The following CTNND2 variants were observed in gnomAD, a reference collection of about 807,000 sequenced individuals.
CTNND2 encodes catenin delta 2.
CTNND2 carries 22 observed loss-of-function variants against 144.4 expected under a neutral mutation model. The ratio of observed to expected loss-of-function variants is 0.15; its 90% CI spans 0.11 to 0.22. The LOEUF (loss-of-function observed/expected upper bound fraction) is 0.22. Ranked by LOEUF, CTNND2 falls within the 10% of genes least tolerant of loss-of-function variation. The pLI is 1.00. For synonymous variants in CTNND2, 751 were observed against 695.6 expected (o/e 1.08, Z -1.25); for missense variants, 1,353 against 1,618.8 (o/e 0.84, Z 2.82).
intron 2 of CTNND2, among the ~76,000 whole-genome samples, chr5:11,641,022 G>T (rs961839328): frequency 1.3e-5 from 2 of 152,072 alleles, no homozygotes; most frequent in Non-Finnish European, 2.9e-5. Context: ...AACCCAACAT[G>T]TCAGTGTTTA....
At chr5:11,434,340 G>A (rs972377441) in intron 3 of CTNND2, among the ~76,000 whole-genome samples, 1 of 152,146 alleles carries the variant, frequency 6.6e-6, no homozygotes, top group African/African-American at 2.4e-5. Context: ...AGAATAAGGT[G>A]GGGATTTACT....
chr5:11,903,796 C>A lies in CTNND2; in HGVS notation c.37+21G>T. 2 of 1,473,676 alleles carry A rather than the reference C, an allele frequency of 1.4e-6. No homozygotes were observed. Among genetic ancestry groups the A allele is most frequent in the Admixed American group, 2.4e-5 (1 of 42,134 alleles). 91.3% of individuals were successfully genotyped at this position (1,473,676 alleles called of 1,614,324 possible). On this transcript the variant is annotated intron_variant, in intron 1 of 21. Coordinates refer to ENST00000304623, the MANE Select transcript of CTNND2 (RefSeq NM_001332.4). The surrounding 1 kb of genome is among the most constrained non-coding windows in gnomAD (Gnocchi z 5.4). Reference sequence around the variant, plus strand: ...GGGAGGAGGCTGCGCCCGGCCCCGGCCGCCCAGCCCCGCAACTCACCCAAA... The same window carrying A: ...GGGAGGAGGCTGCGCCCGGCCCCGGACGCCCAGCCCCGCAACTCACCCAAA...
chr5:10,994,554 G>A (rs1374105155), intron 18 of CTNND2, among the ~76,000 whole-genome samples: 2 of 151,998 alleles, frequency 1.3e-5, no homozygotes, highest in Non-Finnish European at 2.9e-5. Flanking sequence ...TGGGGTCAGG[G>A]AGGTGCTGTC....
chr5:11,180,693 C>A (rs951202558), intron 11 of CTNND2, among the ~76,000 whole-genome samples: 1 of 152,198 alleles, frequency 6.6e-6, no homozygotes, highest in African/African-American at 2.4e-5. Context: ...GATCTCTTTT[C>A]CATATTTGCC....
chr5:11,103,305 T>C (rs1190416952), intron 14 of CTNND2, among the ~76,000 whole-genome samples: 1 of 151,950 alleles, frequency 6.6e-6, no homozygotes, highest in Non-Finnish European at 1.5e-5. Context: ...TCTATCTCAG[T>C]TGGGTTTGAG....
chr5:11,823,072 C>T (rs1793401751), intron 1 of CTNND2, among the ~76,000 whole-genome samples: 1 of 152,122 alleles, frequency 6.6e-6, no homozygotes, highest in Admixed American at 6.5e-5. Flanking sequence ...ACATTTAACT[C>T]CAAATTCCTT....
chr5:11,280,126 T>C (rs955498179), intron 9 of CTNND2, among the ~76,000 whole-genome samples: 1 of 152,172 alleles, frequency 6.6e-6, no homozygotes, highest in Non-Finnish European at 1.5e-5. Context: ...TTAAATTGTG[T>C]AATTTGTTTT....
rs114530964 is a variant in CTNND2 at position 11,713,678 on chromosome 5, C to A, written c.174+18458G>T. Reference sequence around the variant, plus strand: ...TTTCATCATGAGGATAAGACTTCTGCAACAACCTGGATATCATTAGAATAT... The same window carrying A: ...TTTCATCATGAGGATAAGACTTCTGAAACAACCTGGATATCATTAGAATAT... On this transcript the variant is annotated intron_variant, in intron 2 of 21. Transcript: ENST00000304623. 5.8e-3 allele frequency among the ~76,000 whole-genome samples: 873 copies of A among 151,214 alleles called. 10 individuals carry two copies. Among genetic ancestry groups the A allele is most frequent in the African/African-American group, 0.02 (833 of 41,162 alleles).
intron 18 of CTNND2, among the ~76,000 whole-genome samples, chr5:11,014,864 T>G (rs1694179930): frequency 6.6e-6 from 1 of 152,182 alleles, no homozygotes; most frequent in African/African-American, 2.4e-5. Context: ...CTTTCCCTTT[T>G]ATCCATAATG....
intron 1 of CTNND2, among the ~76,000 whole-genome samples, chr5:11,832,189 C>A (rs971172635): frequency 6.6e-6 from 1 of 151,940 alleles, no homozygotes; most frequent in East Asian, 1.9e-4. Context: ...GAGGCTGAGG[C>A]AGAAGAATGG....
chr5:11,646,449 G>A (rs965827016), intron 2 of CTNND2, among the ~76,000 whole-genome samples: 9 of 152,088 alleles, frequency 5.9e-5, no homozygotes, highest in Admixed American at 4.6e-4. Flanking sequence ...TAATAGACAC[G>A]GAAACACACA....
chr5:11,229,675 T>TAG (rs1411610868), intron 10 of CTNND2, among the ~76,000 whole-genome samples: 1 of 149,816 alleles, frequency 6.7e-6, no homozygotes, highest in Non-Finnish European at 1.5e-5. Context: ...TGTGTGTGTA[T>TAG]ATATATAACT....
intron 1 of CTNND2, among the ~76,000 whole-genome samples, chr5:11,785,239 T>C (rs1790764706): frequency 1.3e-5 from 2 of 152,190 alleles, no homozygotes; most frequent in African/African-American, 4.8e-5. Flanking sequence ...CACATTTACC[T>C]AGAAGATGAG....
At chr5:11,837,795 G>A (rs1794258420) in intron 1 of CTNND2, among the ~76,000 whole-genome samples, 1 of 152,084 alleles carries the variant, frequency 6.6e-6, no homozygotes, top group Non-Finnish European at 1.5e-5. Flanking sequence ...TACTATAGAG[G>A]GAGATGATAA....
chr5:11,322,384 A>G (rs1752123811), intron 9 of CTNND2, among the ~76,000 whole-genome samples: 1 of 152,228 alleles, frequency 6.6e-6, no homozygotes, highest in African/African-American at 2.4e-5. Flanking sequence ...TGCTTGCCAC[A>G]GAGAATCTCT....
chr5:11,196,819 C>A (rs183158256), intron 11 of CTNND2, among the ~76,000 whole-genome samples: 3 of 152,178 alleles, frequency 2.0e-5, no homozygotes, highest in Non-Finnish European at 4.4e-5. Flanking sequence ...TAGACATCTC[C>A]GTGGCTGCAC....
At chr5:11,744,468 G>C (rs184270858) in intron 1 of CTNND2, among the ~76,000 whole-genome samples, 115 of 152,308 alleles carry the variant, frequency 7.6e-4, no homozygotes, top group Admixed American at 4.2e-3. Context: ...AAGTGTAGGA[G>C]ATGGAGTGAT....
intron 1 of CTNND2, among the ~76,000 whole-genome samples, chr5:11,847,128 T>TTATATATATATA (rs56978156): frequency 1.7e-4 from 12 of 72,408 alleles, no homozygotes; most frequent in African/African-American, 2.1e-4. Context: ...GTCAAAGATT[T>TTATATATATATA]TATATATATA....
At chr5:11,175,847 C>T (rs1205414020) in intron 11 of CTNND2, among the ~76,000 whole-genome samples, 3 of 152,126 alleles carry the variant, frequency 2.0e-5, no homozygotes, top group Non-Finnish European at 4.4e-5. Flanking sequence ...TTGACACTGT[C>T]ACCCAATAGT....
Sources: allele counts gnomAD v4.1 joint callset (sites outside exome capture counted in the v4.1 genomes callset), GRCh38; gene constraint gnomAD v4.1.1; non-coding constraint Gnocchi (gnomAD v3.1); transcripts MANE v1.5; gene names NCBI Gene and HGNC (gene_info 2026-07-23, HGNC 2026-07-21).